Variants in TRAPPC3L observed in about 807,000 individuals in gnomAD.
TRAPPC3L encodes the protein trafficking protein particle complex subunit 3-like protein.
TRAPPC3L carries 23 observed loss-of-function variants against 23.7 expected under a neutral mutation model. That is an observed-to-expected ratio of 0.97 (90% CI 0.70 to 1.37). TRAPPC3L has a LOEUF of 1.37. TRAPPC3L is among the 40% of genes most tolerant of loss of function. The pLI, the probability that TRAPPC3L is intolerant of heterozygous loss-of-function variation, is 0.00. For synonymous variants in TRAPPC3L, 81 were observed against 77.9 expected (o/e 1.04, Z -0.21); for missense variants, 212 against 216.8 (o/e 0.98, Z 0.14).
intron 3 of TRAPPC3L, chr6:116,516,834 GC>G (rs895134935): frequency 6.6e-6 from 1 of 151,746 alleles, no homozygotes; most frequent in Non-Finnish European, 1.5e-5. Flanking sequence ...ATTTTAGTGG[GC>G]CCTTACAAGT....
rs192168340 is a variant in TRAPPC3L at position 116,495,375 on chromosome 6, A to T, written c.*1579T>A. Reference sequence around the variant, plus strand: ...CTTCTTTATGGCTGAATAGTACTCCATTGTGTATATGTACCATATTTTCTT... The same window carrying T: ...CTTCTTTATGGCTGAATAGTACTCCTTTGTGTATATGTACCATATTTTCTT... On this transcript the variant is annotated 3_prime_UTR_variant, in exon 5 of 5. Coordinates refer to ENST00000368602, the MANE Select transcript of TRAPPC3L (RefSeq NM_001139444.3). 29 of 152,114 alleles carry T rather than the reference A, an allele frequency of 1.9e-4. No homozygotes were observed. Among genetic ancestry groups the T allele is most frequent in the African/African-American group, 6.8e-4 (28 of 41,474 alleles). The allele number at this position is 152,114 out of a possible 1,614,324, so 9.4% of individuals were successfully genotyped here. A position where few individuals can be genotyped will look rare whatever the true frequency, so the allele number is the denominator to read the frequency against.
intron 3 of TRAPPC3L, among the ~76,000 whole-genome samples, chr6:116,504,423 C>T (rs1310860077): frequency 1.3e-5 from 2 of 152,102 alleles, no homozygotes; most frequent in East Asian, 3.8e-4. Context: ...CAGGACCAGA[C>T]GGATTCACAG....
At chr6:116,524,675 T>C (rs1772412314) in intron 3 of TRAPPC3L, 2 of 152,214 alleles carry the variant, frequency 1.3e-5, no homozygotes, top group South Asian at 4.1e-4. Context: ...CCAAAAATGT[T>C]AAATAGGCCT....
chr6:116,524,858 C>G (rs1466694917), intron 3 of TRAPPC3L: 18 of 152,128 alleles, frequency 1.2e-4, no homozygotes. Context: ...CTAAACCACT[C>G]CTATATTCCT....
chr6:116,536,009 T>C (rs1773060858), intron 3 of TRAPPC3L, among the ~76,000 whole-genome samples: 1 of 152,196 alleles, frequency 6.6e-6, no homozygotes, highest in African/African-American at 2.4e-5. Flanking sequence ...AGGAGTTACT[T>C]TGAACTTTTA....
At chr6:116,525,514 A>G (rs1343165103) in intron 3 of TRAPPC3L, among the ~76,000 whole-genome samples, 5 of 152,202 alleles carry the variant, frequency 3.3e-5, no homozygotes, top group African/African-American at 1.2e-4. Context: ...ATAGTCCCCA[A>G]ACTTTAATTT....
chr6:116,520,105 A>G (rs950564558), intron 3 of TRAPPC3L: 1 of 152,208 alleles, frequency 6.6e-6, no homozygotes, highest in Non-Finnish European at 1.5e-5. Context: ...CCTTTAAAGC[A>G]TCACTAAAAA....
intron 3 of TRAPPC3L, among the ~76,000 whole-genome samples, chr6:116,508,047 T>A (rs1452335855): frequency 6.6e-6 from 1 of 152,248 alleles, no homozygotes; most frequent in Admixed American, 6.5e-5. Context: ...CAGCTTGATA[T>A]GTTGCCATCT....
At chr6:116,540,275 A>C (rs1327216846) in intron 3 of TRAPPC3L, 88 bp downstream of exon 3, 25 of 1,233,694 alleles carry the variant, frequency 2.0e-5, no homozygotes, top group Non-Finnish European at 2.8e-5. Context: ...TGCAGATGGA[A>C]CCTGTCCAAT....
intron 3 of TRAPPC3L, among the ~76,000 whole-genome samples, chr6:116,505,557 C>A (rs1196144727): frequency 6.6e-6 from 1 of 152,150 alleles, no homozygotes; most frequent in Non-Finnish European, 1.5e-5. Context: ...GCCCGCATTG[C>A]CAAGACAATC....
chr6:116,539,455 T>C (rs900584499), intron 3 of TRAPPC3L, among the ~76,000 whole-genome samples: 1 of 152,192 alleles, frequency 6.6e-6, no homozygotes, highest in South Asian at 2.1e-4. Flanking sequence ...GTAGAATTTT[T>C]CCCCACATAT....
At chr6:116,531,018 GT>G (rs1316837461) in intron 3 of TRAPPC3L, among the ~76,000 whole-genome samples, 3 of 149,952 alleles carry the variant, frequency 2.0e-5, no homozygotes, top group Non-Finnish European at 4.4e-5. Context: ...ATCTTGGAAT[GT>G]TTTTCATACC....
At chr6:116,507,413 TGTTA>T (rs1261292958) in intron 3 of TRAPPC3L, among the ~76,000 whole-genome samples, 1 of 152,128 alleles carries the variant, frequency 6.6e-6, no homozygotes, top group East Asian at 1.9e-4. Context: ...AATTTGAAAA[TGTTA>T]GATAGAAAAT....
intron 3 of TRAPPC3L, among the ~76,000 whole-genome samples, chr6:116,503,855 C>T (rs552414761): frequency 2.2e-4 from 33 of 152,016 alleles, no homozygotes; most frequent in African/African-American, 5.6e-4. Flanking sequence ...CGAGAACCTC[C>T]GGGACACATT....
chr6:116,515,810 C>T (rs763170051), intron 3 of TRAPPC3L: 2 of 1,613,940 alleles, frequency 1.2e-6, no homozygotes, highest in South Asian at 2.2e-5. Context: ...AAACAAGAGG[C>T]CAGATCCTTT....
intron 2 of TRAPPC3L, among the ~76,000 whole-genome samples, chr6:116,541,386 C>A (rs1010405348): frequency 5.3e-5 from 8 of 152,162 alleles, no homozygotes; most frequent in African/African-American, 1.9e-4. Flanking sequence ...ACAGCCACAT[C>A]TACATAGACA....
chr6:116,535,791 T>C (rs1773040059), intron 3 of TRAPPC3L, among the ~76,000 whole-genome samples: 1 of 152,218 alleles, frequency 6.6e-6, no homozygotes, highest in Non-Finnish European at 1.5e-5. Flanking sequence ...AAAATATCTT[T>C]AAAGATATAT....
intron 3 of TRAPPC3L, among the ~76,000 whole-genome samples, chr6:116,534,095 A>C (rs1024531713): frequency 7.0e-6 from 1 of 143,390 alleles, no homozygotes; most frequent in African/African-American, 2.5e-5. Flanking sequence ...CTCACCCATA[A>C]ATTCTGTAGT....
At chr6:116,505,609 C>T (rs1279671620) in intron 3 of TRAPPC3L, among the ~76,000 whole-genome samples, 1 of 152,204 alleles carries the variant, frequency 6.6e-6, no homozygotes. Flanking sequence ...CGCTACCTGA[C>T]TTCAAACTAT....
Sources: allele counts gnomAD v4.1 joint callset (sites outside exome capture counted in the v4.1 genomes callset), GRCh38; gene constraint gnomAD v4.1.1; transcripts MANE v1.5; gene names NCBI Gene and HGNC (gene_info 2026-07-23, HGNC 2026-07-21).